Variants in CNBD1 observed in about 807,000 individuals in gnomAD.
CNBD1 encodes cyclic nucleotide-binding domain-containing protein 1.
A neutral mutation model predicts 54.4 loss-of-function variants in CNBD1; 71 were observed. That is an observed-to-expected ratio of 1.30 (90% confidence interval 1.08 to 1.59). CNBD1 has a LOEUF of 1.59. Ranked by LOEUF, CNBD1 falls within the 40% of genes most tolerant of loss-of-function variation. CNBD1 has a pLI of 0.00. For synonymous variants in CNBD1, 182 were observed against 170.7 expected, an observed-to-expected ratio of 1.07 and a Z score of -0.51; for missense variants, 659 against 518.0, an observed-to-expected ratio of 1.27 and a Z score of -2.64.
intron 8 of CNBD1, among the ~76,000 whole-genome samples, chr8:87,341,683 C>T (rs566621887): frequency 1.1e-4 from 17 of 152,306 alleles, no homozygotes; most frequent in Admixed American, 1.0e-3. Context: ...TCTCTCTTTT[C>T]CTTTTGCTCT....
chr8:87,322,119 C>A (rs1419763532), intron 8 of CNBD1, among the ~76,000 whole-genome samples: 1 of 121,736 alleles, frequency 8.2e-6, no homozygotes, highest in Non-Finnish European at 1.8e-5. Flanking sequence ...CATGTCCCTA[C>A]AAAGGACATG....
intron 2 of CNBD1, among the ~76,000 whole-genome samples, chr8:87,414,492 T>C (rs1807805000): frequency 6.6e-6 from 1 of 152,060 alleles, no homozygotes; most frequent in Non-Finnish European, 1.5e-5. Flanking sequence ...CTGCACATTG[T>C]GCACATGTAC....
rs1298051014 is a variant in CNBD1, at chr8:87,182,646, G to T, written c.432-23347G>T. 1.3e-5 allele frequency among the ~76,000 whole-genome samples: 2 copies of T among 151,990 alleles called. No individual in the cohort carries two copies. Among genetic ancestry groups the T allele is most frequent in the Admixed American group, 1.3e-4 (2 of 15,240 alleles). ...GATTTGCATTTCTCTAATAGCTGGTGATGTTGAGCATTTTTTCATATGTTT... is the reference window on the plus strand; with the variant it reads ...GATTTGCATTTCTCTAATAGCTGGTTATGTTGAGCATTTTTTCATATGTTT... On this transcript the variant is annotated intron_variant, in intron 4 of 10. Transcript: ENST00000518476. The surrounding 1 kb of genome is among the most constrained non-coding windows in gnomAD (Gnocchi z 4.1).
intron 4 of CNBD1, among the ~76,000 whole-genome samples, chr8:87,041,825 G>T (rs1810077572): frequency 6.6e-6 from 1 of 152,030 alleles, no homozygotes; most frequent in Non-Finnish European, 1.5e-5. Flanking sequence ...CCATCTATGG[G>T]TATTGAGCAG....
intron 4 of CNBD1, among the ~76,000 whole-genome samples, chr8:87,124,503 C>A (rs1216259846): frequency 1.3e-5 from 2 of 151,560 alleles, no homozygotes; most frequent in Admixed American, 1.3e-4. Context: ...TCAACATATG[C>A]AGATCAGTAA....
At chr8:87,124,356 T>C (rs1286362822) in intron 4 of CNBD1, among the ~76,000 whole-genome samples, 1 of 151,686 alleles carries the variant, frequency 6.6e-6, no homozygotes, top group Admixed American at 6.6e-5. Flanking sequence ...ATTCAAATTA[T>C]ATCAGGTGTC....
In CNBD1 at chr8:87,166,256, G is replaced by A. The variant is rs952767916; in HGVS notation, c.432-39737G>A. On this transcript the variant is annotated intron_variant, in intron 4 of 10. Transcript: ENST00000518476. The surrounding 1 kb of genome is among the most constrained non-coding windows in gnomAD (Gnocchi z 4.3). Reference sequence around the variant, plus strand: ...TACATTCTGTCCCTTTTACACCACTGTATCAGTAAGTCTTTTCAGGTCCAT... The same window carrying A: ...TACATTCTGTCCCTTTTACACCACTATATCAGTAAGTCTTTTCAGGTCCAT... Among the ~76,000 whole-genome samples the A allele has an allele frequency of 4.0e-5, 6 of 151,802 alleles. No homozygotes were observed. The highest frequency in any genetic ancestry group is 9.7e-5 in the African/African-American group (4 of 41,350).
At chr8:87,228,934 A>G (rs985036852) in intron 5 of CNBD1, among the ~76,000 whole-genome samples, 1 of 151,608 alleles carries the variant, frequency 6.6e-6, no homozygotes, top group African/African-American at 2.4e-5. Context: ...GGGGGATATA[A>G]TCTCATGGTG....
chr8:87,014,940 G>A (rs367587084), intron 4 of CNBD1, among the ~76,000 whole-genome samples: 12 of 152,022 alleles, frequency 7.9e-5, no homozygotes, highest in African/African-American at 1.4e-4. Context: ...AAATAACTGC[G>A]TTGTTCAAGG....
intron 4 of CNBD1, among the ~76,000 whole-genome samples, chr8:86,974,326 C>T (rs1354687898): frequency 6.6e-6 from 1 of 151,992 alleles, no homozygotes; most frequent in East Asian, 1.9e-4. Flanking sequence ...CATACAATTA[C>T]TTTGAGAAAC....
In CNBD1 at chr8:87,137,852, A is replaced by C. The variant is rs530057392; in HGVS notation, c.432-68141A>C. ...AAGCTATGAAATAATAAGAGGGAAA[A>C]CTACTTAGGACCTGTGTGTCTTCCA... On this transcript the variant is annotated intron_variant, in intron 4 of 10. Coordinates refer to ENST00000518476, the MANE Select transcript of CNBD1 (RefSeq NM_173538.3). 1.4e-4 allele frequency among the ~76,000 whole-genome samples: 21 copies of C among 152,194 alleles called. No homozygotes were observed. The East Asian group carries it at 3.9e-3, about 28-fold the overall frequency.
At chr8:87,098,299 T>C (rs895876212) in intron 4 of CNBD1, among the ~76,000 whole-genome samples, 33 of 152,318 alleles carry the variant, frequency 2.2e-4, no homozygotes, top group South Asian at 4.1e-4. Context: ...GACTACTAAC[T>C]ACACAAGGCA....
chr8:87,331,610 T>G (rs1809833805), intron 8 of CNBD1, among the ~76,000 whole-genome samples: 1 of 152,238 alleles, frequency 6.6e-6, no homozygotes. Context: ...ATGATATTTC[T>G]AGTTCTAGAT....
chr8:87,015,074 G>A (rs970284024), intron 4 of CNBD1, among the ~76,000 whole-genome samples: 5 of 152,090 alleles, frequency 3.3e-5, no homozygotes, highest in African/African-American at 9.7e-5. Flanking sequence ...TAATTAAAAA[G>A]AAATCATAAT....
chr8:87,421,522 A>G (rs978688411), intron 2 of CNBD1, among the ~76,000 whole-genome samples: 43 of 147,814 alleles, frequency 2.9e-4, no homozygotes, highest in Admixed American at 8.3e-4. Context: ...GAGAATATGC[A>G]GTGTTTGGTT....
At chr8:87,336,972 G>A (rs984341131) in intron 8 of CNBD1, among the ~76,000 whole-genome samples, 12 of 152,216 alleles carry the variant, frequency 7.9e-5, no homozygotes, top group Non-Finnish European at 1.2e-4. Context: ...GGCTGCTGCG[G>A]TTTGCTGGGG....
At chr8:87,045,304 TAAA>T (rs1476832557) in intron 4 of CNBD1, among the ~76,000 whole-genome samples, 1 of 152,286 alleles carries the variant, frequency 6.6e-6, no homozygotes, top group South Asian at 2.1e-4. Flanking sequence ...TAACTAGGTC[TAAA>T]AAGAAGACTG....
chr8:87,161,829 C>T (rs556269257), intron 4 of CNBD1, among the ~76,000 whole-genome samples: 2 of 152,264 alleles, frequency 1.3e-5, no homozygotes, highest in East Asian at 3.9e-4. Flanking sequence ...ACAGAGTACA[C>T]ATTTCACTAG....
intron 4 of CNBD1, among the ~76,000 whole-genome samples, chr8:87,090,594 G>A (rs1408873923): frequency 2.6e-5 from 4 of 151,524 alleles, no homozygotes; most frequent in South Asian, 2.1e-4. Flanking sequence ...TTTTCCAAAA[G>A]CTATCTTCAT....
Sources: gnomAD v4.1 joint callset for allele counts (sites outside exome capture counted in the v4.1 genomes callset) on GRCh38, gnomAD v4.1.1 for gene constraint, Gnocchi (gnomAD v3.1) non-coding constraint, MANE v1.5 for transcripts, NCBI Gene and HGNC (gene_info 2026-07-23, HGNC 2026-07-21) for gene names.